CHRNB3: variants seen among roughly 807,000 people sequenced by gnomAD.
The protein encoded by CHRNB3 is neuronal acetylcholine receptor subunit beta-3.
A neutral mutation model predicts 40.6 loss-of-function variants in CHRNB3; 37 were observed. The observed-to-expected ratio is 0.91, with a 90% CI of 0.70 to 1.20. The LOEUF (loss-of-function observed/expected upper bound fraction) is 1.20. CHRNB3 is among the 50% of genes most tolerant of loss of function. The pLI is 0.00. For missense variants in CHRNB3, 505 were observed against 551.2 expected, an observed-to-expected ratio of 0.92 and a Z score of 0.84; for synonymous variants, 207 against 207.1, an observed-to-expected ratio of 1.00 and a Z score of 0.00.
chr8:42,735,245 A>C lies in CHRNB3; in HGVS notation c.1243-1239A>C, dbSNP rs184376981. Among the ~76,000 whole-genome samples, 6 of 148,102 alleles carry C rather than the reference A, an allele frequency of 4.1e-5. No individual in the cohort carries two copies. The East Asian group carries it at 1.2e-3, about 30-fold the overall frequency. ...AAAAAACAAACAAACAAACAAAAAA[A>C]CACTAATACAGGCCGGGTGTGGTGG... On this transcript the variant is annotated intron_variant, in intron 5 of 5. Transcript: ENST00000289957.
chr8:42,710,185 G>A (rs1815989942), intron 2 of CHRNB3, among the ~76,000 whole-genome samples: 1 of 152,138 alleles, frequency 6.6e-6, no homozygotes, highest in South Asian at 2.1e-4. Flanking sequence ...ACTGGGTGTG[G>A]TGGCGTGCAC....
At chr8:42,697,629 C>T (rs148742857) in intron 1 of CHRNB3, 31 bp downstream of exon 1, 55 of 1,563,682 alleles carry the variant, frequency 3.5e-5, no homozygotes, top group Middle Eastern at 1.7e-4. Flanking sequence ...ATTAAAACTA[C>T]AGTTGCAGAA....
chr8:42,699,308 G>A (rs1343400988), intron 1 of CHRNB3: 4 of 152,120 alleles, frequency 2.6e-5, no homozygotes, highest in Non-Finnish European at 5.9e-5. Flanking sequence ...AGCAGGAGGT[G>A]TATCTTATTT....
At position 42,703,435 on chromosome 8, in the gene CHRNB3, A is replaced by AAAAAAAAAATATATATATATATAT; in HGVS notation, c.53-5281_53-5280insAAAAAAAATATATATATATATATA. On this transcript the variant is annotated intron_variant, in intron 1 of 5. Transcript: ENST00000289957. ...CAAGACTTCGTCTAAAAAAAAAAAAAATATTTATATATATATATATATATA... is the reference window on the plus strand; with the variant it reads ...CAAGACTTCGTCTAAAAAAAAAAAAAAAAAAAAAATATATATATATATATATATTTATATATATATATATATATA... Among the ~76,000 whole-genome samples the AAAAAAAAAATATATATATATATAT allele has an allele frequency of 9.5e-4, 45 of 47,362 alleles. 3 individuals are homozygous for AAAAAAAAAATATATATATATATAT. The highest frequency in any genetic ancestry group is 3.5e-3 in the South Asian group (4 of 1,136). The allele number at this position is 47,362 out of a possible 152,430, so 31.1% of individuals were successfully genotyped here.
At chr8:42,710,639 G>A (rs1373074831) in intron 3 of CHRNB3, among the ~76,000 whole-genome samples, 2 of 152,198 alleles carry the variant, frequency 1.3e-5, no homozygotes, top group Non-Finnish European at 1.5e-5. Flanking sequence ...GTTGTGCGTG[G>A]TTGCTCTCAG....
intron 5 of CHRNB3, among the ~76,000 whole-genome samples, chr8:42,733,982 G>C (rs966275543): frequency 4.0e-5 from 6 of 149,178 alleles, no homozygotes; most frequent in African/African-American, 1.5e-4. Flanking sequence ...GTTGGGCCAG[G>C]CACGGTGGCT....
intron 3 of CHRNB3, among the ~76,000 whole-genome samples, chr8:42,715,827 C>T (rs543778552): frequency 1.3e-5 from 2 of 152,058 alleles, no homozygotes; most frequent in East Asian, 3.9e-4. Flanking sequence ...GTAATCAAAA[C>T]CCTATAAACT....
intron 3 of CHRNB3, among the ~76,000 whole-genome samples, chr8:42,716,552 C>G (rs1458939640): frequency 3.3e-5 from 5 of 152,034 alleles, no homozygotes; most frequent in African/African-American, 4.8e-5. Flanking sequence ...GGGCTGCAGG[C>G]ATATTTATAC....
At chr8:42,734,739 T>C (rs1486241331) in intron 5 of CHRNB3, among the ~76,000 whole-genome samples, 5 of 151,796 alleles carry the variant, frequency 3.3e-5, no homozygotes, top group Non-Finnish European at 7.4e-5. Context: ...TTTAGAAATA[T>C]CCTTCTACAT....
chr8:42,717,302 A>T (rs1240001866), intron 3 of CHRNB3, among the ~76,000 whole-genome samples: 3 of 117,010 alleles, frequency 2.6e-5, no homozygotes, highest in African/African-American at 3.5e-5. Context: ...TGAACCCGGG[A>T]GGCGGAGCTT....
At chr8:42,724,515 A>G (rs941766957) in intron 3 of CHRNB3, among the ~76,000 whole-genome samples, 1 of 152,178 alleles carries the variant, frequency 6.6e-6, no homozygotes, top group Non-Finnish European at 1.5e-5. Context: ...TCCAGATTCA[A>G]TTATGTCCCT....
intron 5 of CHRNB3, 87 bp downstream of exon 5, chr8:42,732,636 C>T (rs1210780167): frequency 7.8e-7 from 1 of 1,284,676 alleles, no homozygotes; most frequent in African/African-American, 1.5e-5. Flanking sequence ...AAAATATTGT[C>T]ATGGTTTAAA....
intron 3 of CHRNB3, among the ~76,000 whole-genome samples, chr8:42,724,193 G>C (rs1030264122): frequency 6.6e-6 from 1 of 151,884 alleles, no homozygotes; most frequent in Non-Finnish European, 1.5e-5. Flanking sequence ...TCAGGAGTTC[G>C]AGACCAGCCT....
chr8:42,720,025 C>T (rs992250782), intron 3 of CHRNB3, among the ~76,000 whole-genome samples: 7 of 151,740 alleles, frequency 4.6e-5, no homozygotes, highest in African/African-American at 1.7e-4. Context: ...GATCTCCTTC[C>T]TTCCTGCCCC....
chr8:42,719,356 T>C (rs939256003), intron 3 of CHRNB3, among the ~76,000 whole-genome samples: 4 of 152,066 alleles, frequency 2.6e-5, no homozygotes, highest in Non-Finnish European at 4.4e-5. Flanking sequence ...CTGGCAGGAA[T>C]TGGGTGGGCT....
At chr8:42,733,387 A>C (rs1304552288) in intron 5 of CHRNB3, among the ~76,000 whole-genome samples, 2 of 152,042 alleles carry the variant, frequency 1.3e-5, no homozygotes, top group Non-Finnish European at 2.9e-5. Flanking sequence ...TCCTGGGTTC[A>C]GATCATAATC....
intron 3 of CHRNB3, among the ~76,000 whole-genome samples, chr8:42,721,527 C>G (rs549306822): frequency 6.6e-6 from 1 of 152,202 alleles, no homozygotes; most frequent in Admixed American, 6.5e-5. Flanking sequence ...AGCTGCAGAC[C>G]AGCCTGGGCA....
At chr8:42,709,813 G>A (rs2128905493) in intron 2 of CHRNB3, among the ~76,000 whole-genome samples, 1 of 152,126 alleles carries the variant, frequency 6.6e-6, no homozygotes, top group South Asian at 2.1e-4. Context: ...TGTATTTTTA[G>A]TAGAGACGGG....
At chr8:42,718,567 G>A (rs1267833612) in intron 3 of CHRNB3, among the ~76,000 whole-genome samples, 1 of 151,692 alleles carries the variant, frequency 6.6e-6, no homozygotes, top group Non-Finnish European at 1.5e-5. Flanking sequence ...CAGCTACTCG[G>A]GAGGCTGAGG....
Sources: gnomAD v4.1 joint callset for allele counts (sites outside exome capture counted in the v4.1 genomes callset) on GRCh38, gnomAD v4.1.1 for gene constraint, MANE v1.5 for transcripts, NCBI Gene and HGNC (gene_info 2026-07-23, HGNC 2026-07-21) for gene names.